The following RAB3IP variants were observed in gnomAD, a reference collection of about 807,000 sequenced individuals.
RAB3IP encodes rab-3A-interacting protein.
A neutral mutation model predicts 59.1 loss-of-function variants in RAB3IP; 36 were observed. That is an observed-to-expected ratio of 0.61 (90% CI 0.47 to 0.80). The LOEUF (loss-of-function observed/expected upper bound fraction) is 0.80. Ranked by LOEUF, RAB3IP falls within the 30% of genes least tolerant of loss-of-function variation. RAB3IP has a pLI of 0.00. For missense variants in RAB3IP, 511 were observed against 536.0 expected (o/e 0.95, Z 0.46); for synonymous variants, 207 against 191.2 (o/e 1.08, Z -0.68).
At chr12:69,806,228 A>G (rs377620098) in intron 8 of RAB3IP, among the ~76,000 whole-genome samples, 12 of 151,808 alleles carry the variant, frequency 7.9e-5, no homozygotes, top group African/African-American at 2.2e-4. Flanking sequence ...GTCTTGGGAG[A>G]GTGTATGTGT....
At chr12:69,804,954 G>T (rs1335098317) in intron 8 of RAB3IP, among the ~76,000 whole-genome samples, 1 of 152,110 alleles carries the variant, frequency 6.6e-6, no homozygotes, top group Non-Finnish European at 1.5e-5. Context: ...TGTTCTTTTG[G>T]CTTAGGATTG....
chr12:69,760,569 C>T (rs1212296694), intron 3 of RAB3IP, among the ~76,000 whole-genome samples: 1 of 151,976 alleles, frequency 6.6e-6, no homozygotes, highest in Non-Finnish European at 1.5e-5. Flanking sequence ...GCTTGAAGGA[C>T]ATCCTTTTAC....
At chr12:69,782,292 G>A (rs1358167105) in intron 3 of RAB3IP, among the ~76,000 whole-genome samples, 1 of 152,168 alleles carries the variant, frequency 6.6e-6, no homozygotes, top group East Asian at 1.9e-4. Flanking sequence ...AGGCTTCTGA[G>A]TAGGTGGGAT....
chr12:69,782,915 C>T (rs1393736241), intron 3 of RAB3IP, among the ~76,000 whole-genome samples: 3 of 151,940 alleles, frequency 2.0e-5, no homozygotes, highest in East Asian at 1.9e-4. Flanking sequence ...ACTTTGTGGT[C>T]GTACACTTGA....
chr12:69,742,647 T>TGG (rs986310198), intron 1 of RAB3IP, among the ~76,000 whole-genome samples: 33 of 152,290 alleles, frequency 2.2e-4, no homozygotes, highest in African/African-American at 7.2e-4. Flanking sequence ...GATGATCAGT[T>TGG]GAAGAATGTT....
intron 6 of RAB3IP, chr12:69,795,876 G>A (rs1877359569): frequency 6.4e-6 from 1 of 155,214 alleles, no homozygotes; most frequent in South Asian, 2.0e-4. Flanking sequence ...GAAATTTCAA[G>A]TTATAGTAGA....
rs900349428 is a variant in RAB3IP at position 69,809,948 on chromosome 12, C to T, written c.1131-2830C>T. ...TTGTTCCGTTGCTGGTGAGGAGCTG[C>T]GTTCCTTTGGAGGAGGAGAGGCGCT... On this transcript the variant is annotated intron_variant, in intron 8 of 10. Coordinates refer to ENST00000247833, the MANE Select transcript of RAB3IP (RefSeq NM_022456.5). Among the ~76,000 whole-genome samples the T allele has an allele frequency of 7.2e-5, 11 of 152,344 alleles. No individual in the cohort carries two copies. In the East Asian group the frequency reaches 1.2e-3, roughly 16 times the overall value.
intron 4 of RAB3IP, among the ~76,000 whole-genome samples, chr12:69,785,793 A>G (rs1339065971): frequency 2.6e-5 from 4 of 152,208 alleles, no homozygotes; most frequent in Non-Finnish European, 5.9e-5. Flanking sequence ...TGACGTACAC[A>G]ATAAACCATT....
chr12:69,795,694 T>G (rs1023119764), intron 6 of RAB3IP: 9 of 367,912 alleles, frequency 2.4e-5, no homozygotes, highest in East Asian at 4.1e-5. Flanking sequence ...ATAAGAAATA[T>G]GTGAAAATAA....
chr12:69,792,290 C>T lies in RAB3IP; in HGVS notation c.607-2147C>T, dbSNP rs553374855. ...GCTAAGAAGGTAGATCTTGTTTGCG[C>T]ACCACCTCCCCTCCAAAAAAAAGGT... On this transcript the variant is annotated intron_variant, in intron 4 of 10. Coordinates refer to ENST00000247833, the MANE Select transcript of RAB3IP (RefSeq NM_022456.5). Among the ~76,000 whole-genome samples, 8 of 152,152 alleles carry T rather than the reference C, an allele frequency of 5.3e-5. No individual in the cohort carries two copies. The South Asian group carries it at 1.7e-3, about 32-fold the overall frequency.
intron 4 of RAB3IP, 82 bp from the exon 5 acceptor site, chr12:69,794,355 C>T: frequency 8.8e-7 from 1 of 1,130,172 alleles, no homozygotes; most frequent in Admixed American, 1.9e-5. Flanking sequence ...TATATCTTTG[C>T]TTCAATTGTA....
intron 1 of RAB3IP, among the ~76,000 whole-genome samples, chr12:69,744,978 A>G (rs1868269042): frequency 6.6e-6 from 1 of 151,884 alleles, no homozygotes; most frequent in African/African-American, 2.4e-5. Context: ...CTCCTTTATT[A>G]TACAGTATTT....
intron 1 of RAB3IP, among the ~76,000 whole-genome samples, chr12:69,741,842 T>C (rs908246812): frequency 6.6e-6 from 1 of 152,260 alleles, no homozygotes; most frequent in African/African-American, 2.4e-5. Context: ...CACTACATTA[T>C]CACTTCTTTA....
chr12:69,800,990 T>G (rs1193399935), intron 7 of RAB3IP, among the ~76,000 whole-genome samples: 3 of 152,190 alleles, frequency 2.0e-5, no homozygotes, highest in African/African-American at 7.2e-5. Context: ...AGATGAACAT[T>G]TTTCACACTT....
chr12:69,756,168 A>G (rs116217998), intron 2 of RAB3IP, among the ~76,000 whole-genome samples: 1 of 152,372 alleles, frequency 6.6e-6, no homozygotes, highest in African/African-American at 2.4e-5. Flanking sequence ...ACTGTCCTGT[A>G]GAACTTTCTG....
chr12:69,779,379 G>T (rs535569092), intron 3 of RAB3IP, among the ~76,000 whole-genome samples: 1 of 151,204 alleles, frequency 6.6e-6, no homozygotes, highest in Non-Finnish European at 1.5e-5. Flanking sequence ...CGTCTTCTGC[G>T]TCGCTCACGC....
rs537649592 is a variant in RAB3IP, at chr12:69,805,296, T to C, written c.1130+3575T>C. Among the ~76,000 whole-genome samples, 292 of 151,248 alleles carry C rather than the reference T, an allele frequency of 1.9e-3. 1 individual carries two copies. Among genetic ancestry groups the C allele is most frequent in the Non-Finnish European group, 2.1e-3 (142 of 67,994 alleles). Reference sequence around the variant, plus strand: ...GTTCACTCATGATTTGGCTCTCTGTTTGTCTGTTATTGGTGTATAAGAATG... The same window carrying C: ...GTTCACTCATGATTTGGCTCTCTGTCTGTCTGTTATTGGTGTATAAGAATG... On this transcript the variant is annotated intron_variant, in intron 8 of 10. Coordinates refer to ENST00000247833, the MANE Select transcript of RAB3IP (RefSeq NM_022456.5).
chr12:69,779,682 GA>G (rs1462397469), intron 3 of RAB3IP, among the ~76,000 whole-genome samples: 10 of 62,412 alleles, frequency 1.6e-4, no homozygotes, highest in African/African-American at 3.9e-4. Flanking sequence ...TCTAGCTAGG[GA>G]ATTTTTTTTT....
chr12:69,757,396 C>G (rs1158912746), intron 3 of RAB3IP, among the ~76,000 whole-genome samples: 4 of 152,076 alleles, frequency 2.6e-5, no homozygotes, highest in Non-Finnish European at 5.9e-5. Flanking sequence ...ATGAGTGAGA[C>G]AAAATGTTGG....
Sources: gnomAD v4.1 joint callset for allele counts (sites outside exome capture counted in the v4.1 genomes callset) on GRCh38, gnomAD v4.1.1 for gene constraint, MANE v1.5 for transcripts, NCBI Gene and HGNC (gene_info 2026-07-23, HGNC 2026-07-21) for gene names.